CDCP2: variants seen among roughly 807,000 people sequenced by gnomAD.
CDCP2 encodes the protein CUB domain-containing protein 2.
A neutral mutation model predicts 31.0 loss-of-function variants in CDCP2; 31 were observed. The ratio of observed to expected loss-of-function variants is 1.00; its 90% CI spans 0.75 to 1.35. The LOEUF (loss-of-function observed/expected upper bound fraction) is 1.35, where lower values mean the gene tolerates loss of function less well. Among genes scored for constraint, CDCP2 ranks in the 40% most tolerant of loss-of-function variants. The pLI, the probability that CDCP2 is intolerant of heterozygous loss-of-function variation, is 0.00. For missense variants in CDCP2, 443 were observed against 482.6 expected, an observed-to-expected ratio of 0.92 and a Z score of 0.77; for synonymous variants, 206 against 207.9, an observed-to-expected ratio of 0.99 and a Z score of 0.08.
chr1:54,137,267 T>C (rs1027796909), intron 4 of CDCP2, among the ~76,000 whole-genome samples: 2 of 152,130 alleles, frequency 1.3e-5, no homozygotes, highest in Admixed American at 6.5e-5. Context: ...ATTCTTGCCT[T>C]GTGGAGCTTA....
At chr1:54,132,856 G>C, downstream of CDCP2, 1 of 397,700 alleles carries the variant, frequency 2.5e-6, no homozygotes, top group East Asian at 3.6e-5. Context: ...GGCTCAGAGA[G>C]GGATATGACC....
At position 54,148,352 on chromosome 1, in the gene CDCP2, T is replaced by TA. The variant is rs1266080112; in HGVS notation, c.80-3540dup. On this transcript the variant is annotated intron_variant, in intron 1 of 5. Transcript: ENST00000530059. ...CTAGGCATAGCAAGACCCCAACCTC[T>TA]AAAAAAAAAGAAAAAAAGAAAAAAA... Among the ~76,000 whole-genome samples the TA allele has an allele frequency of 1.4e-4, 17 of 118,120 alleles. No homozygotes were observed. In the South Asian group the frequency reaches 1.8e-3, roughly 12 times the overall value. The allele number at this position is 118,120 out of a possible 152,430, so 77.5% of individuals were successfully genotyped here.
chr1:54,141,234 A>T, exon 3 of CDCP2: 1 of 1,613,866 alleles, frequency 6.2e-7, no homozygotes, highest in South Asian at 1.1e-5. Context: ...GGGTGGGGCC[A>T]GGCCCCCCAA....
intron 4 of CDCP2, 74 bp from the exon 5 acceptor site, chr1:54,136,882 C>A: frequency 2.5e-6 from 1 of 398,946 alleles, no homozygotes; most frequent in African/African-American, 2.1e-5. Context: ...CACCCCCTAC[C>A]CTCCCACAAA....
chr1:54,140,474 A>G (rs1445674450), intron 3 of CDCP2: 1 of 353,040 alleles, frequency 2.8e-6, no homozygotes, highest in Non-Finnish European at 5.4e-6. Flanking sequence ...CCCTTTTCTC[A>G]CTGCCCCATT....
intron 3 of CDCP2, 163 bp from the exon 4 acceptor site, chr1:54,140,269 A>T: frequency 1.6e-6 from 1 of 634,404 alleles, no homozygotes; most frequent in East Asian, 2.7e-5. Context: ...CAACTATCTG[A>T]AAGTTGGGAT....
chr1:54,146,231 G>C (rs1317680688), intron 1 of CDCP2, among the ~76,000 whole-genome samples: 1 of 147,972 alleles, frequency 6.8e-6, no homozygotes, highest in Non-Finnish European at 1.5e-5. Context: ...CCAGGCTGGA[G>C]TGCAGTGGCA....
chr1:54,141,211 T>C (rs1238919329), exon 3 of CDCP2: 1 of 1,612,316 alleles, frequency 6.2e-7, no homozygotes, highest in South Asian at 1.1e-5. Flanking sequence ...GCTGCCACAG[T>C]AGTGGTGCCC....
chr1:54,132,905 C>A (rs921770998), downstream of CDCP2: 1 of 397,974 alleles, frequency 2.5e-6, no homozygotes, highest in African/African-American at 2.1e-5. Flanking sequence ...CCGTCCCACC[C>A]CTGTTATGGG....
intron 3 of CDCP2, 36 bp downstream of exon 3, chr1:54,141,062 C>G (rs751366233): frequency 2.7e-6 from 4 of 1,493,404 alleles, no homozygotes; most frequent in Non-Finnish European, 3.6e-6. Context: ...CCAGTAGGCA[C>G]AGGAGGATTC....
exon 6 of CDCP2, chr1:54,133,213 C>T (rs536040762): frequency 1.3e-5 from 5 of 399,134 alleles, no homozygotes; most frequent in African/African-American, 4.1e-5. Context: ...CAGCGGACCT[C>T]GTACTCATGG....
intron 5 of CDCP2, among the ~76,000 whole-genome samples, chr1:54,133,801 C>A (rs1187744432): frequency 6.6e-6 from 1 of 151,920 alleles, no homozygotes; most frequent in African/African-American, 2.4e-5. Context: ...GAGGCTGAGG[C>A]ACGAGAATGG....
intron 3 of CDCP2, 186 bp from the exon 4 acceptor site, chr1:54,140,292 A>G: frequency 1.6e-6 from 1 of 610,572 alleles, no homozygotes; most frequent in Non-Finnish European, 2.9e-6. Flanking sequence ...TTGATCCCAA[A>G]GCTTGTTTTA....
chr1:54,150,231 G>A (rs1659557449), intron 1 of CDCP2, among the ~76,000 whole-genome samples: 1 of 152,202 alleles, frequency 6.6e-6, no homozygotes, highest in Non-Finnish European at 1.5e-5. Flanking sequence ...ACTGGGAGGG[G>A]GAGCCCTGGG....
At chr1:54,148,688 G>A (rs1178312194) in intron 1 of CDCP2, among the ~76,000 whole-genome samples, 2 of 151,346 alleles carry the variant, frequency 1.3e-5, no homozygotes, top group South Asian at 4.2e-4. Context: ...ATGACGCTGG[G>A]GCTTCAACAA....
chr1:54,141,426 A>G (rs1659373370), exon 3 of CDCP2: 1 of 1,603,384 alleles, frequency 6.2e-7, no homozygotes, highest in Non-Finnish European at 8.5e-7. Flanking sequence ...GGACGCCGCC[A>G]CACACATCTG....
chr1:54,139,528 T>A (rs1330694023), intron 4 of CDCP2: 1 of 1,612,876 alleles, frequency 6.2e-7, no homozygotes, highest in South Asian at 1.1e-5. Context: ...AGTTAGAAGC[T>A]GGGGAAGGAG....
At chr1:54,134,121 C>T (rs1362460899) in intron 5 of CDCP2, among the ~76,000 whole-genome samples, 1 of 152,200 alleles carries the variant, frequency 6.6e-6, no homozygotes, top group Non-Finnish European at 1.5e-5. Context: ...AATCCCCCAT[C>T]CTTGGCAAAT....
At chr1:54,141,543 G>T in intron 2 of CDCP2, 110 bp from the exon 3 acceptor site, 1 of 920,784 alleles carries the variant, frequency 1.1e-6, no homozygotes, top group Non-Finnish European at 1.6e-6. Flanking sequence ...TCTCATTAGG[G>T]CCTCATTACC....
Sources: allele counts gnomAD v4.1 joint callset (sites outside exome capture counted in the v4.1 genomes callset), GRCh38; gene constraint gnomAD v4.1.1; transcripts MANE v1.5; gene names NCBI Gene and HGNC (gene_info 2026-07-23, HGNC 2026-07-21).